Variants in SLC25A13 observed in about 807,000 individuals in gnomAD.
The protein encoded by SLC25A13 is solute carrier family 25 member 13.
Under a neutral mutation model 85.5 loss-of-function variants are expected in SLC25A13, and 70 were observed. The observed-to-expected ratio is 0.82, with a 90% CI of 0.68 to 1.00. The LOEUF is 1.00. Ranked by LOEUF, SLC25A13 falls within the 50% of genes least tolerant of loss-of-function variation. SLC25A13 has a pLI of 0.00. For synonymous variants in SLC25A13, 259 were observed against 288.7 expected (o/e 0.90, Z 1.04); for missense variants, 765 against 819.8 (o/e 0.93, Z 0.82).
intron 2 of SLC25A13, among the ~76,000 whole-genome samples, chr7:96,293,185 T>C (rs1199779249): frequency 6.6e-6 from 1 of 152,184 alleles, no homozygotes; most frequent in African/African-American, 2.4e-5. Context: ...GGGGAAGGAT[T>C]CCCTATTTAA....
At chr7:96,311,892 C>A (rs1270308628) in intron 1 of SLC25A13, among the ~76,000 whole-genome samples, 2 of 152,176 alleles carry the variant, frequency 1.3e-5, no homozygotes, top group Non-Finnish European at 2.9e-5. Flanking sequence ...TCCTGCTACC[C>A]TGTTGCCATA....
chr7:96,251,648 C>T (rs1797432327), intron 3 of SLC25A13, among the ~76,000 whole-genome samples: 1 of 152,210 alleles, frequency 6.6e-6, no homozygotes. Context: ...CACCAATCAC[C>T]AGTTGCATTG....
chr7:96,170,133 A>T lies in SLC25A13; in HGVS notation c.1231-8T>A. The T allele has an allele frequency of 1.2e-6, 2 of 1,612,530 alleles. No individual in the cohort carries two copies. The highest frequency in any genetic ancestry group is 1.7e-6 in the Non-Finnish European group (2 of 1,178,524). On this transcript the variant is annotated splice_polypyrimidine_tract_variant and splice_region_variant and intron_variant, in intron 12 of 17. Transcript: ENST00000265631. Reference sequence around the variant, plus strand: ...CCTCACAAAATCGTTCACCTTGAAGAAAAATATTTATAGAAGCTGATGAAA... The same window carrying T: ...CCTCACAAAATCGTTCACCTTGAAGTAAAATATTTATAGAAGCTGATGAAA...
intron 14 of SLC25A13, 128 bp downstream of exon 14, chr7:96,146,428 A>G: frequency 8.0e-7 from 1 of 1,252,900 alleles, no homozygotes; most frequent in East Asian, 2.4e-5. Flanking sequence ...GTGCCTCTGC[A>G]GCTTGGGTAG....
At chr7:96,137,657 A>T (rs1792342388) in intron 14 of SLC25A13, among the ~76,000 whole-genome samples, 1 of 151,948 alleles carries the variant, frequency 6.6e-6, no homozygotes, top group Non-Finnish European at 1.5e-5. Context: ...TATTATTATT[A>T]TTTTTTGAGA....
intron 3 of SLC25A13, among the ~76,000 whole-genome samples, chr7:96,267,265 G>T (rs1029273646): frequency 6.6e-6 from 1 of 152,140 alleles, no homozygotes; most frequent in Non-Finnish European, 1.5e-5. Flanking sequence ...ATGAAAACAG[G>T]TATATAAAAA....
At chr7:96,231,746 AAGT>A (rs1335799495) in intron 4 of SLC25A13, among the ~76,000 whole-genome samples, 1 of 152,016 alleles carries the variant, frequency 6.6e-6, no homozygotes, top group Non-Finnish European at 1.5e-5. Context: ...GAAAAGAAAA[AAGT>A]AGGCAAACAA....
chr7:96,238,020 G>A (rs74384951), intron 3 of SLC25A13, among the ~76,000 whole-genome samples: 4,747 of 152,078 alleles, frequency 0.031, 190 homozygotes, highest in African/African-American at 0.091. Flanking sequence ...TGTGTCCCCC[G>A]TCCCCAAAAA....
intron 3 of SLC25A13, among the ~76,000 whole-genome samples, chr7:96,271,999 C>T (rs1262063493): frequency 1.3e-5 from 2 of 152,070 alleles, no homozygotes; most frequent in Non-Finnish European, 2.9e-5. Flanking sequence ...GATTCTCTTG[C>T]CTCAGCCTCC....
At chr7:96,168,979 G>A (rs987799589) in intron 13 of SLC25A13, among the ~76,000 whole-genome samples, 6 of 152,072 alleles carry the variant, frequency 3.9e-5, no homozygotes, top group Non-Finnish European at 8.8e-5. Flanking sequence ...GACATTAAAG[G>A]CTCCTTTTTT....
At chr7:96,183,084 C>T (rs1035987693) in intron 11 of SLC25A13, among the ~76,000 whole-genome samples, 3 of 152,146 alleles carry the variant, frequency 2.0e-5, no homozygotes, top group Non-Finnish European at 2.9e-5. Context: ...GGCAGTGACC[C>T]TGAAAGGGTC....
intron 1 of SLC25A13, among the ~76,000 whole-genome samples, chr7:96,307,253 A>G (rs543202757): frequency 1.3e-5 from 2 of 152,326 alleles, no homozygotes; most frequent in South Asian, 4.1e-4. Context: ...AAATGTGTAC[A>G]ATGTGTACAG....
At chr7:96,135,048 G>C (rs1310286404) in intron 14 of SLC25A13, among the ~76,000 whole-genome samples, 1 of 152,074 alleles carries the variant, frequency 6.6e-6, no homozygotes, top group Non-Finnish European at 1.5e-5. Context: ...CCCTAGCCAT[G>C]TGATGAGCAC....
chr7:96,300,216 C>A (rs1311013871), intron 1 of SLC25A13, among the ~76,000 whole-genome samples: 1 of 151,998 alleles, frequency 6.6e-6, no homozygotes, highest in Non-Finnish European at 1.5e-5. Context: ...TTGAGATTAG[C>A]CTGGGCAACA....
rs753411740 is a variant in SLC25A13 at position 96,146,585 on chromosome 7, G to A, written c.1423C>T (p.Arg475Trp). 8 of 1,612,644 alleles carry A rather than the reference G, an allele frequency of 5.0e-6. No homozygotes were observed. The highest frequency in any genetic ancestry group is 3.3e-5 in the Admixed American group (2 of 59,860). ...TAGATCCCAAAAAACCCCAGGTCCC[G>A]CACGACAGACAGAGCACTGACTCGA... ...GPRVSALSVV[R>W]DLGFFGIYKG... The change falls in exon 14 of 18, where the codon CGG becomes TGG. Residue 475 changes from arginine (R) to tryptophan (W), a missense_variant. Transcript: ENST00000265631.
chr7:96,201,982 C>T (rs1174358611), intron 5 of SLC25A13, among the ~76,000 whole-genome samples: 1 of 152,158 alleles, frequency 6.6e-6, no homozygotes, highest in Non-Finnish European at 1.5e-5. Context: ...CACCCGGGAG[C>T]AGCAGACTTC....
chr7:96,121,201 C>G lies in SLC25A13; in HGVS notation c.2018G>C (p.Gly673Ala). Residue 673 changes from glycine (G) to alanine (A), a missense_variant, in exon 18 of 18, where the codon GGA becomes GCA. Transcript: ENST00000265631. Reference sequence around the variant, plus strand: ...CCAGGGCTGATCTTCCTATGGGCCTCCACCAATAGCCTTTGAGGTAGATAC... The same window carrying G: ...CCAGGGCTGATCTTCCTATGGGCCTGCACCAATAGCCTTTGAGGTAGATAC... Reference protein sequence around the residue: ...PSVSTSKAIGGGP With the variant: ...PSVSTSKAIGAGP 1 of 1,614,156 alleles carries G rather than the reference C, an allele frequency of 6.2e-7. No individual in the cohort carries two copies. The highest frequency in any genetic ancestry group is 8.5e-7 in the Non-Finnish European group (1 of 1,180,010).
At chr7:96,260,477 T>C (rs1368351846) in intron 3 of SLC25A13, among the ~76,000 whole-genome samples, 1 of 152,112 alleles carries the variant, frequency 6.6e-6, no homozygotes, top group Non-Finnish European at 1.5e-5. Context: ...CACAACTCAC[T>C]GAAGTTACAA....
chr7:96,184,898 T>C, intron 10 of SLC25A13, 29 bp downstream of exon 10: 2 of 1,565,388 alleles, frequency 1.3e-6, no homozygotes, highest in East Asian at 2.2e-5. Flanking sequence ...ATAACAAAAG[T>C]GAAAATTTTT....
Sources: allele counts gnomAD v4.1 joint callset (sites outside exome capture counted in the v4.1 genomes callset), GRCh38; gene constraint gnomAD v4.1.1; transcripts MANE v1.5; gene names NCBI Gene and HGNC (gene_info 2026-07-23, HGNC 2026-07-21).